WDFY4: variants seen among roughly 807,000 people sequenced by gnomAD.
WDFY4 encodes the protein WDFY family member 4.
A neutral mutation model predicts 351.9 loss-of-function variants in WDFY4; 169 were observed. The observed-to-expected ratio is 0.48, with a 90% confidence interval of 0.42 to 0.55. WDFY4 has a LOEUF of 0.55. Ranked by LOEUF, WDFY4 falls within the 20% of genes least tolerant of loss-of-function variation. The pLI, the probability that WDFY4 is intolerant of heterozygous loss-of-function variation, is 0.00. For missense variants in WDFY4, 3,803 were observed against 3,935.6 expected (o/e 0.97, Z 0.90); for synonymous variants, 1,622 against 1,574.6 (o/e 1.03, Z -0.71).
chr10:48,928,030 T>C (rs1564497819), intron 47 of WDFY4, among the ~76,000 whole-genome samples: 1 of 152,170 alleles, frequency 6.6e-6, no homozygotes, highest in Non-Finnish European at 1.5e-5. Flanking sequence ...TTGAAGCTCA[T>C]GAGGTGAGCA....
chr10:48,833,606 C>T (rs2068274179), intron 39 of WDFY4, among the ~76,000 whole-genome samples: 2 of 152,218 alleles, frequency 1.3e-5, no homozygotes, highest in South Asian at 4.1e-4. Context: ...TCTGCAGGAA[C>T]ATGTGGGACT....
At chr10:48,879,477 A>G (rs2070161096) in intron 43 of WDFY4, among the ~76,000 whole-genome samples, 1 of 152,370 alleles carries the variant, frequency 6.6e-6, no homozygotes, top group Non-Finnish European at 1.5e-5. Flanking sequence ...TAATAGGAGA[A>G]CAATGGCAGT....
intron 49 of WDFY4, among the ~76,000 whole-genome samples, chr10:48,945,745 TC>T (rs1218671751): frequency 6.6e-6 from 1 of 152,228 alleles, no homozygotes; most frequent in African/African-American, 2.4e-5. Flanking sequence ...CAACACGAGT[TC>T]TTTTAAAAGT....
intron 3 of WDFY4, among the ~76,000 whole-genome samples, chr10:48,720,373 T>C (rs745592144): frequency 6.6e-6 from 1 of 151,992 alleles, no homozygotes; most frequent in Non-Finnish European, 1.5e-5. Context: ...CTGCACATAA[T>C]ACATTATACA....
At chr10:48,775,489 G>A (rs1165407111) in intron 14 of WDFY4, among the ~76,000 whole-genome samples, 1 of 152,142 alleles carries the variant, frequency 6.6e-6, no homozygotes, top group Admixed American at 6.5e-5. Context: ...ATTATTTTTT[G>A]TTATGACATC....
intron 39 of WDFY4, among the ~76,000 whole-genome samples, chr10:48,839,319 A>G (rs536511643): frequency 9.5e-4 from 145 of 152,368 alleles, no homozygotes; most frequent in African/African-American, 3.2e-3. Flanking sequence ...AAAAGGTTGC[A>G]TGACATTTTT....
rs1383915182 is a variant in WDFY4 at position 48,976,989 on chromosome 10, T to A, written c.9291+10T>A. The A allele has an allele frequency of 5.7e-6, 8 of 1,393,314 alleles. No individual in the cohort carries two copies. Among genetic ancestry groups the A allele is most frequent in the African/African-American group, 2.9e-5 (2 of 67,850 alleles). The allele number at this position is 1,393,314 out of a possible 1,614,324, so 86.3% of individuals were successfully genotyped here. A position where few individuals can be genotyped will look rare whatever the true frequency, so the allele number is the denominator to read the frequency against. On this transcript the variant is annotated intron_variant, in intron 59 of 61. Transcript: ENST00000325239. ...AGACGGCATGGTCCGGGTAGGTGTG[T>A]CTTGGGCAGAATGAGGACATGACAC...
At chr10:48,753,418 C>T (rs559462522) in intron 12 of WDFY4, among the ~76,000 whole-genome samples, 2 of 152,152 alleles carry the variant, frequency 1.3e-5, no homozygotes, top group Non-Finnish European at 2.9e-5. Context: ...GTGCTTTTGG[C>T]ATTATATGTA....
At chr10:48,714,944 G>A (rs184946210) in intron 2 of WDFY4, among the ~76,000 whole-genome samples, 13 of 152,302 alleles carry the variant, frequency 8.5e-5, no homozygotes, top group South Asian at 8.3e-4. Flanking sequence ...GTATCAACTG[G>A]GCTAATGGGA....
chr10:48,970,370 A>G (rs879598877), intron 57 of WDFY4, 81 bp downstream of exon 57: 3 of 1,497,984 alleles, frequency 2.0e-6, no homozygotes, highest in Non-Finnish European at 2.7e-6. Flanking sequence ...CTGGCATGGC[A>G]CCTGGGCAGG....
At chr10:48,879,732 C>G (rs2070170805) in intron 43 of WDFY4, among the ~76,000 whole-genome samples, 1 of 152,166 alleles carries the variant, frequency 6.6e-6, no homozygotes, top group Admixed American at 6.5e-5. Flanking sequence ...TTCTGTAGGT[C>G]TGAGCTCCTG....
intron 44 of WDFY4, among the ~76,000 whole-genome samples, chr10:48,892,546 G>T (rs1836866356): frequency 1.3e-5 from 2 of 152,190 alleles, no homozygotes; most frequent in Non-Finnish European, 2.9e-5. Context: ...CTCATCTGGT[G>T]CCCTAAGAAA....
chr10:48,786,587 G>T (rs1267771296), intron 19 of WDFY4, 52 bp from the exon 20 acceptor site: 2 of 1,364,542 alleles, frequency 1.5e-6, no homozygotes, highest in Non-Finnish European at 2.0e-6. Flanking sequence ...GTATTTACTT[G>T]ATTAACTCTG....
At chr10:48,732,533 C>G (rs1210346647) in intron 9 of WDFY4, among the ~76,000 whole-genome samples, 1 of 152,224 alleles carries the variant, frequency 6.6e-6, no homozygotes, top group Non-Finnish European at 1.5e-5. Context: ...ACCAGTCTGT[C>G]TGTTTCCTGG....
chr10:48,975,258 A>T, intron 58 of WDFY4: 1 of 678,402 alleles, frequency 1.5e-6, no homozygotes, highest in South Asian at 1.9e-5. Context: ...TGTTGGGGAC[A>T]GTGGGAAGTG....
chr10:48,820,249 T>A lies in WDFY4; in HGVS notation c.5521T>A (p.Ser1841Thr), dbSNP rs1306637005. 6.4e-7 allele frequency: 1 copy of A among 1,551,368 alleles called. No homozygotes were observed. Among genetic ancestry groups the A allele is most frequent in the Admixed American group, 2.0e-5 (1 of 50,962 alleles). Residue 1841 changes from serine (S) to threonine (T), a missense_variant, in exon 33 of 62, where the codon TCC becomes ACC. By Grantham distance (58) the Ser-to-Thr change is moderately conservative. Transcript: ENST00000325239. ...LGAQKGVGAE[S>T]TRNTSSPEAA... is the part of the protein sequence containing the mutation. ...TGTCTTTGAGGGGGTTGGGGCTGAGTCCACCCGGAACACCAGCAGTCCTGA... is the reference window on the plus strand; with the variant it reads ...TGTCTTTGAGGGGGTTGGGGCTGAGACCACCCGGAACACCAGCAGTCCTGA...
chr10:48,743,562 C>A lies in WDFY4; in HGVS notation c.2459+14C>A. 3 of 1,526,366 alleles carry A rather than the reference C, an allele frequency of 2.0e-6. No individual in the cohort carries two copies. The South Asian group carries it at 3.6e-5, about 18-fold the overall frequency. The allele number at this position is 1,526,366 out of a possible 1,614,324, so 94.6% of individuals were successfully genotyped here. A position where few individuals can be genotyped will look rare whatever the true frequency, so the allele number is the denominator to read the frequency against. ...CCTGGAGGAGAGGTAGCTTCTTCTG[C>A]CAGTGTGTCATCAGTGCATCTCTGT... On this transcript the variant is annotated intron_variant, in intron 12 of 61. Coordinates refer to ENST00000325239, the MANE Select transcript of WDFY4 (RefSeq NM_001394531.1).
At chr10:48,819,597 G>C (rs2067743456) in intron 32 of WDFY4, among the ~76,000 whole-genome samples, 2 of 152,168 alleles carry the variant, frequency 1.3e-5, no homozygotes, top group African/African-American at 4.8e-5. Context: ...TGTCCTCCTG[G>C]ACGTATCTGG....
intron 38 of WDFY4, among the ~76,000 whole-genome samples, chr10:48,831,187 G>A (rs1020780516): frequency 3.3e-5 from 5 of 152,156 alleles, no homozygotes; most frequent in African/African-American, 7.2e-5. Flanking sequence ...TGAGGTTCTA[G>A]GTCCTACCCT....
Sources: gnomAD v4.1 joint callset for allele counts (sites outside exome capture counted in the v4.1 genomes callset) on GRCh38, gnomAD v4.1.1 for gene constraint, MANE v1.5 for transcripts, NCBI Gene and HGNC (gene_info 2026-07-23, HGNC 2026-07-21) for gene names.